Variants in CDC45 observed in about 807,000 individuals in gnomAD.
The protein encoded by CDC45 is cell division cycle 45.
In CDC45, 54 loss-of-function variants were observed where a neutral mutation model predicts 77.8. That is an observed-to-expected ratio of 0.69 (90% confidence interval 0.56 to 0.87). CDC45 has a LOEUF of 0.87. Among genes scored for constraint, CDC45 ranks in the 40% least tolerant of loss-of-function variants. The probability of loss-of-function intolerance (pLI) is 0.00; values close to 1 mark genes in which losing one functional copy is unlikely to be tolerated. For missense variants in CDC45, 649 were observed against 721.6 expected (o/e 0.90, Z 1.15); for synonymous variants, 260 against 272.1 (o/e 0.96, Z 0.44).
At chr22:19,508,040 T>A (rs1933300171) in intron 12 of CDC45, among the ~76,000 whole-genome samples, 176 bp downstream of exon 12, 1 of 152,158 alleles carries the variant, frequency 6.6e-6, no homozygotes, top group Non-Finnish European at 1.5e-5. Flanking sequence ...GTCTGGCCAT[T>A]CCTGAAGTCT....
chr22:19,505,211 C>G (rs1933096710), intron 9 of CDC45, 151 bp from the exon 10 acceptor site: 6 of 807,620 alleles, frequency 7.4e-6, no homozygotes, highest in Non-Finnish European at 1.2e-5. Flanking sequence ...GGTTTCTATG[C>G]AGGCTGCATG....
At chr22:19,502,240 G>A (rs1932925881) in intron 9 of CDC45, among the ~76,000 whole-genome samples, 1 of 152,126 alleles carries the variant, frequency 6.6e-6, no homozygotes, top group South Asian at 2.1e-4. Flanking sequence ...TAAATATCCA[G>A]TAGAGACAAA....
chr22:19,501,448 C>T (rs978183968), intron 9 of CDC45, among the ~76,000 whole-genome samples: 1 of 152,242 alleles, frequency 6.6e-6, no homozygotes, highest in Non-Finnish European at 1.5e-5. Context: ...CTCCATGCAA[C>T]TGGCACCCCT....
chr22:19,496,917 C>T (rs1657173479), intron 7 of CDC45, among the ~76,000 whole-genome samples: 1 of 152,080 alleles, frequency 6.6e-6, no homozygotes, highest in African/African-American at 2.4e-5. Flanking sequence ...AATAATTGGA[C>T]CCAGGGCTCT....
At chr22:19,489,956 C>T (rs2090129520) in intron 5 of CDC45, among the ~76,000 whole-genome samples, 2 of 152,180 alleles carry the variant, frequency 1.3e-5, no homozygotes, top group South Asian at 2.1e-4. Flanking sequence ...GTATTTATAG[C>T]TCTCTTGTGC....
At chr22:19,491,453 A>G (rs1303082207) in intron 5 of CDC45, among the ~76,000 whole-genome samples, 1 of 151,340 alleles carries the variant, frequency 6.6e-6, no homozygotes, top group East Asian at 1.9e-4. Flanking sequence ...TTTTATTCCT[A>G]AAAGGTACTT....
At chr22:19,492,244 T>G (rs2146359723) in intron 5 of CDC45, among the ~76,000 whole-genome samples, 2 of 152,226 alleles carry the variant, frequency 1.3e-5, no homozygotes, top group African/African-American at 4.8e-5. Context: ...TCCCAGAGGT[T>G]CTAGTTTTTT....
chr22:19,514,665 A>G, intron 13 of CDC45, 84 bp from the exon 14 acceptor site: 1 of 1,215,884 alleles, frequency 8.2e-7, no homozygotes, highest in Non-Finnish European at 1.2e-6. Context: ...TGAACCAGGA[A>G]CCAAGCAAAC....
At chr22:19,491,849 C>A (rs2090158326) in intron 5 of CDC45, among the ~76,000 whole-genome samples, 1 of 151,026 alleles carries the variant, frequency 6.6e-6, no homozygotes. Context: ...TTTTTTGAGG[C>A]AGAGTCTCAC....
At chr22:19,503,361 A>T (rs1038340839) in intron 9 of CDC45, among the ~76,000 whole-genome samples, 4 of 152,240 alleles carry the variant, frequency 2.6e-5, no homozygotes, top group Middle Eastern at 3.4e-3. Context: ...CGATATACAC[A>T]CAACAAAAAT....
intron 15 of CDC45, among the ~76,000 whole-genome samples, chr22:19,515,610 A>G (rs779147438): frequency 1.2e-4 from 19 of 152,238 alleles, no homozygotes; most frequent in African/African-American, 4.3e-4. Flanking sequence ...ATGTGCTAAC[A>G]GGAAGTTGAA....
intron 2 of CDC45, 25 bp from the exon 3 acceptor site, chr22:19,480,928 G>A: frequency 6.7e-7 from 1 of 1,497,878 alleles, no homozygotes; most frequent in Non-Finnish European, 9.3e-7. Context: ...AAATAAGATA[G>A]GCTTTGAAAA....
Position 19,481,046 on chromosome 22 carries a change from G to A in CDC45, c.204+1G>A. ...TGCATTTCTTGAGCATAAAGAACAG[G>A]TATTGAAGATGCGTTTTAGAATAAC... On this transcript the variant is annotated splice_donor_variant, in intron 3 of 18. Coordinates refer to ENST00000263201, the MANE Select transcript of CDC45 (RefSeq NM_003504.5). LOFTEE classifies it high-confidence loss of function. 8.1e-6 allele frequency: 13 copies of A among 1,600,698 alleles called. No homozygotes were observed. The highest frequency in any genetic ancestry group is 1.1e-5 in the Non-Finnish European group (13 of 1,169,358).
At chr22:19,485,436 T>G (rs1181235775) in intron 5 of CDC45, among the ~76,000 whole-genome samples, 1 of 152,150 alleles carries the variant, frequency 6.6e-6, no homozygotes, top group Non-Finnish European at 1.5e-5. Flanking sequence ...TAGCAGGGGA[T>G]GGAGCCAAGA....
At chr22:19,509,654 T>C (rs1163114343) in intron 13 of CDC45, among the ~76,000 whole-genome samples, 1 of 152,236 alleles carries the variant, frequency 6.6e-6, no homozygotes, top group East Asian at 1.9e-4. Flanking sequence ...TCTCTTTTTT[T>C]CTAATAGTGA....
At chr22:19,487,641 T>A in intron 5 of CDC45, among the ~76,000 whole-genome samples, 1 of 152,022 alleles carries the variant, frequency 6.6e-6, no homozygotes, top group East Asian at 1.9e-4. Context: ...AGGCCGGGCG[T>A]GGTGGCTCAC....
At chr22:19,504,703 T>TCGTGGGGTC (rs1477658730) in intron 9 of CDC45, among the ~76,000 whole-genome samples, 1 of 152,150 alleles carries the variant, frequency 6.6e-6, no homozygotes, top group African/African-American at 2.4e-5. Context: ...CAAACTGCAC[T>TCGTGGGGTC]CTTGGTTTAG....
chr22:19,498,717 A>G (rs1260081134), intron 8 of CDC45, among the ~76,000 whole-genome samples: 1 of 152,232 alleles, frequency 6.6e-6, no homozygotes, highest in African/African-American at 2.4e-5. Flanking sequence ...AGCTCAGCAC[A>G]GGCCTCTGCC....
At chr22:19,480,279 G>A in intron 2 of CDC45, 62 bp downstream of exon 2, 2 of 1,480,030 alleles carry the variant, frequency 1.4e-6, no homozygotes, top group Non-Finnish European at 1.9e-6. Context: ...CTGCGTGGGG[G>A]CGCAGGGCGG....
Sources: allele counts gnomAD v4.1 joint callset (sites outside exome capture counted in the v4.1 genomes callset), GRCh38; gene constraint gnomAD v4.1.1; transcripts MANE v1.5; gene names NCBI Gene and HGNC (gene_info 2026-07-23, HGNC 2026-07-21).